The following HHAT variants were observed in gnomAD, a reference collection of about 807,000 sequenced individuals.
HHAT encodes the protein protein-cysteine N-palmitoyltransferase HHAT.
A neutral mutation model predicts 70.8 loss-of-function variants in HHAT; 47 were observed. The ratio of observed to expected loss-of-function variants is 0.66; its 90% CI spans 0.53 to 0.85. The LOEUF (loss-of-function observed/expected upper bound fraction) is 0.85. Among genes scored for constraint, HHAT ranks in the 40% least tolerant of loss-of-function variants. The pLI, the probability that HHAT is intolerant of heterozygous loss-of-function variation, is 0.00. For synonymous variants in HHAT, 228 were observed against 247.6 expected (o/e 0.92, Z 0.74); for missense variants, 609 against 604.8 (o/e 1.01, Z -0.07).
At chr1:210,427,951 C>A (rs571622742) in intron 7 of HHAT, among the ~76,000 whole-genome samples, 7 of 151,884 alleles carry the variant, frequency 4.6e-5, no homozygotes, top group Admixed American at 3.3e-4. Flanking sequence ...TCTCTAAGAA[C>A]TTGTTTTATG....
intron 10 of HHAT, among the ~76,000 whole-genome samples, chr1:210,595,677 A>G (rs1230627607): frequency 1.3e-5 from 2 of 152,196 alleles, no homozygotes; most frequent in Admixed American, 6.5e-5. Flanking sequence ...GTGAGATGGT[A>G]TCTCATTGTG....
chr1:210,472,780 A>C (rs1177676170), intron 8 of HHAT, among the ~76,000 whole-genome samples: 1 of 152,248 alleles, frequency 6.6e-6, no homozygotes, highest in Admixed American at 6.5e-5. Context: ...CAATGAATGC[A>C]CATGAGTTAT....
At chr1:210,415,328 T>A (rs2092687992) in intron 6 of HHAT, among the ~76,000 whole-genome samples, 1 of 152,168 alleles carries the variant, frequency 6.6e-6, no homozygotes, top group South Asian at 2.1e-4. Context: ...TGCCATAGAC[T>A]TCGTAGGGTC....
chr1:210,521,876 C>T (rs2095163532), intron 9 of HHAT, among the ~76,000 whole-genome samples: 1 of 152,110 alleles, frequency 6.6e-6, no homozygotes, highest in Non-Finnish European at 1.5e-5. Context: ...AAGTAAGACC[C>T]AGATGGTAAT....
intron 10 of HHAT, among the ~76,000 whole-genome samples, chr1:210,617,078 C>G (rs1667906487): frequency 6.6e-6 from 1 of 152,202 alleles, no homozygotes; most frequent in African/African-American, 2.4e-5. Flanking sequence ...AATATAGAAC[C>G]TAAACCTAAG....
At chr1:210,448,165 T>C (rs2093672987) in intron 7 of HHAT, among the ~76,000 whole-genome samples, 1 of 150,308 alleles carries the variant, frequency 6.7e-6, no homozygotes, top group Admixed American at 6.7e-5. Flanking sequence ...CACTGCAACC[T>C]CTGCCTTCCT....
intron 10 of HHAT, among the ~76,000 whole-genome samples, chr1:210,601,114 ACT>A (rs1401140588): frequency 6.6e-6 from 1 of 151,758 alleles, no homozygotes; most frequent in African/African-American, 2.4e-5. Flanking sequence ...GAACCCAAAG[ACT>A]CTGTGGTGGT....
At chr1:210,542,090 T>C (rs2095436179) in intron 9 of HHAT, among the ~76,000 whole-genome samples, 1 of 152,178 alleles carries the variant, frequency 6.6e-6, no homozygotes, top group Non-Finnish European at 1.5e-5. Flanking sequence ...TTTCCCCATC[T>C]CCAACCCTGC....
intron 11 of HHAT, among the ~76,000 whole-genome samples, chr1:210,659,308 C>CTCTA (rs1677139995): frequency 6.6e-6 from 1 of 152,284 alleles, no homozygotes; most frequent in African/African-American, 2.4e-5. Flanking sequence ...CTATAAACAC[C>CTCTA]TCTATGCAAA....
At chr1:210,530,512 G>A (rs1458750919) in intron 9 of HHAT, among the ~76,000 whole-genome samples, 1 of 152,172 alleles carries the variant, frequency 6.6e-6, no homozygotes, top group South Asian at 2.1e-4. Context: ...TGACAGTACC[G>A]GCAGGGACTT....
upstream of HHAT, among the ~76,000 whole-genome samples, chr1:210,327,798 C>A (rs2084682181): frequency 2.0e-5 from 3 of 152,204 alleles, 1 homozygote; most frequent in Admixed American, 1.3e-4. Context: ...GGCCACCGCG[C>A]CCAGCCTGAA....
rs2147889500 is a variant in HHAT at position 210,329,070 on chromosome 1, A to ACGTTGC, written c.-74_-69dup. ...TGTTGGGAACTCGCGGCGCGCGTGAACGTTGCCGTCGCCGCCGCCCGGGAC... is the reference window on the plus strand; with the variant it reads ...TGTTGGGAACTCGCGGCGCGCGTGAACGTTGCCGTTGCCGTCGCCGCCGCCCGGGAC... On this transcript the variant is annotated 5_prime_UTR_variant, in exon 1 of 12. Transcript: ENST00000261458. 2.1e-6 allele frequency: 3 copies of ACGTTGC among 1,428,894 alleles called. No homozygotes were observed. Among genetic ancestry groups the ACGTTGC allele is most frequent in the Admixed American group, 2.7e-5 (1 of 37,476 alleles). 88.5% of individuals were successfully genotyped at this position (1,428,894 alleles called of 1,614,324 possible). A position where few individuals can be genotyped will look rare whatever the true frequency, so the allele number is the denominator to read the frequency against.
intron 11 of HHAT, among the ~76,000 whole-genome samples, chr1:210,636,627 A>G (rs184071988): frequency 2.1e-4 from 32 of 152,290 alleles, no homozygotes; most frequent in African/African-American, 7.5e-4. Context: ...GGAAAAAATT[A>G]AAATATTTAT....
intron 9 of HHAT, among the ~76,000 whole-genome samples, chr1:210,541,652 G>A (rs1157195268): frequency 2.0e-5 from 3 of 152,166 alleles, no homozygotes; most frequent in South Asian, 2.1e-4. Flanking sequence ...ACTTGAACCC[G>A]GGAGGCGGAG....
chr1:210,518,435 G>T (rs1417433925), intron 9 of HHAT, among the ~76,000 whole-genome samples: 5 of 152,132 alleles, frequency 3.3e-5, no homozygotes, highest in Non-Finnish European at 5.9e-5. Context: ...TTTTATGGCT[G>T]CATAGTATTC....
chr1:210,355,319 G>T (rs1365070433), intron 2 of HHAT, among the ~76,000 whole-genome samples: 2 of 152,140 alleles, frequency 1.3e-5, no homozygotes, highest in Non-Finnish European at 1.5e-5. Flanking sequence ...ATAGTTGAAT[G>T]TTAACCTGTT....
At chr1:210,663,234 C>A (rs1417043663) in intron 11 of HHAT, among the ~76,000 whole-genome samples, 1 of 152,118 alleles carries the variant, frequency 6.6e-6, no homozygotes, top group Non-Finnish European at 1.5e-5. Context: ...GATGGGGGGA[C>A]CGAGTGAGTG....
intron 9 of HHAT, among the ~76,000 whole-genome samples, chr1:210,546,868 G>C (rs1397796103): frequency 6.6e-6 from 1 of 152,158 alleles, no homozygotes; most frequent in Admixed American, 6.5e-5. Context: ...TGAAGCCTGG[G>C]TGGGGAAGAA....
At chr1:210,479,992 G>T (rs143099172) in intron 8 of HHAT, among the ~76,000 whole-genome samples, 1 of 152,238 alleles carries the variant, frequency 6.6e-6, no homozygotes, top group Admixed American at 6.5e-5. Flanking sequence ...CTGTTAATGG[G>T]CTAATGATGC....
Sources: allele counts gnomAD v4.1 joint callset (sites outside exome capture counted in the v4.1 genomes callset), GRCh38; gene constraint gnomAD v4.1.1; transcripts MANE v1.5; gene names NCBI Gene and HGNC (gene_info 2026-07-23, HGNC 2026-07-21).